Variants in GBP4 observed in about 807,000 individuals in gnomAD.
GBP4 encodes the protein guanylate binding protein 4.
In GBP4, 69 loss-of-function variants were observed where a neutral mutation model predicts 62.2. That is an observed-to-expected ratio of 1.11 (90% CI 0.91 to 1.36). The LOEUF (loss-of-function observed/expected upper bound fraction) is 1.36. Among genes scored for constraint, GBP4 ranks in the 40% most tolerant of loss-of-function variants. The probability of loss-of-function intolerance (pLI) is 0.00; values close to 1 mark genes in which losing one functional copy is unlikely to be tolerated. For synonymous variants in GBP4, 278 were observed against 274.6 expected (o/e 1.01, Z -0.12); for missense variants, 697 against 759.3 (o/e 0.92, Z 0.96).
rs142086287 is a variant in GBP4, at chr1:89,187,017, C to G, written c.1496G>C (p.Gly499Ala). ...CCCTGTACCTGCTATGGCCTTCTCT[C>G]CAGCAGTGAGGGCTTTGTCTGACTG... ...ILQSDKALTA[G>A]EKAIAAERAM... Residue 499 changes from glycine (G) to alanine (A), a missense_variant, in exon 9 of 11, where the codon GGA becomes GCA. By Grantham distance (60) the Gly-to-Ala change is moderately conservative (BLOSUM62 0). This residue lies in a region of GBP4 where 141 missense variants were observed against 196.6 expected (regional missense o/e 0.72). Transcript: ENST00000355754. 1.7e-5 allele frequency: 28 copies of G among 1,613,948 alleles called. No individual in the cohort carries two copies. In the African/African-American group the frequency reaches 3.7e-4, roughly 22 times the overall value.
chr1:89,197,123 T>C lies in GBP4; in HGVS notation c.222A>G (p.Ala74=), dbSNP rs1177914771. Residue 74 remains alanine (A), a synonymous_variant, in exon 2 of 11, where the codon GCA becomes GCG. Coordinates refer to ENST00000355754, the MANE Select transcript of GBP4 (RefSeq NM_052941.5). ...GACCACACTCACCATTGCGCTTTCC[T>C]GCAAGACGATTCATGAGATAGGATT... The part of the protein sequence containing the change: ...TGKSYLMNRL[A]GKRNGFPLGS... 4.3e-6 allele frequency: 7 copies of C among 1,612,816 alleles called. No homozygotes were observed. The highest frequency in any genetic ancestry group is 5.9e-6 in the Non-Finnish European group (7 of 1,179,172).
At chr1:89,186,630 G>C in intron 9 of GBP4, 104 bp from the exon 10 acceptor site, 1 of 1,013,644 alleles carries the variant, frequency 9.9e-7, no homozygotes, top group Non-Finnish European at 1.4e-6. Context: ...ACAAAGGTGA[G>C]GGATTGGGAA....
At position 89,193,340 on chromosome 1, in the gene GBP4, C is replaced by T. The variant is rs143368730; in HGVS notation, c.436G>A (p.Val146Met). The part of the protein sequence containing the change: ...LLSSSFVYNS[V>M]STINHQALEQ... Reference sequence around the variant, plus strand: ...AGGGCCTGGTGGTTGATGGTGCTCACGCTGTTATAGACAAAGCTGCTGCTT... The same window carrying T: ...AGGGCCTGGTGGTTGATGGTGCTCATGCTGTTATAGACAAAGCTGCTGCTT... Residue 146 changes from valine to methionine, a missense_variant, in exon 4 of 11, where the codon GTG becomes ATG. This residue lies in a region of GBP4 where 556 missense variants were observed against 562.7 expected (regional missense o/e 0.99). Transcript: ENST00000355754. 17 of 1,614,152 alleles carry T rather than the reference C, an allele frequency of 1.1e-5. No individual in the cohort carries two copies. The highest frequency in any genetic ancestry group is 8.0e-5 in the African/African-American group (6 of 75,044).
chr1:89,191,313 G>C lies in GBP4; in HGVS notation c.864C>G (p.Phe288Leu). 1 of 1,614,142 alleles carries C rather than the reference G, an allele frequency of 6.2e-7. No homozygotes were observed. The highest frequency in any genetic ancestry group is 8.5e-7 in the Non-Finnish European group (1 of 1,179,972). Residue 288 changes from phenylalanine to leucine, a missense_variant, in exon 6 of 11, where the codon TTC becomes TTG. Physicochemically the swap from Phe to Leu is conservative, Grantham distance 22. Around this residue, in one of 2 missense-constraint regions of GBP4, gnomAD observed 556 missense variants for 562.7 expected, o/e 0.99. Coordinates refer to ENST00000355754, the MANE Select transcript of GBP4 (RefSeq NM_052941.5). ...MQSDNFCSYI[F>L]THAKTKTLRE... The stretch of plus-strand genomic sequence containing the variant: ...TCAGGGTCTTGGTCTTTGCATGGGT[G>C]AAGATATAAGAACAGAAGTTGTCTG...
At chr1:89,194,456 A>T (rs1648270776) in intron 3 of GBP4, among the ~76,000 whole-genome samples, 1 of 152,228 alleles carries the variant, frequency 6.6e-6, no homozygotes, top group South Asian at 2.1e-4. Flanking sequence ...TTGATATTAC[A>T]CTAAGAGAAT....
chr1:89,193,829 G>C (rs1294851787), intron 3 of GBP4, among the ~76,000 whole-genome samples: 1 of 152,164 alleles, frequency 6.6e-6, no homozygotes, highest in Non-Finnish European at 1.5e-5. Context: ...AGTTCCTCAC[G>C]ACAGTCCCTG....
In GBP4 at chr1:89,197,028, T is replaced by C. The variant is rs372227996; in HGVS notation, c.235+82A>G. On this transcript the variant is annotated intron_variant, in intron 2 of 10. Transcript: ENST00000355754. ...CATTGGGAGAAGTCATGCCCTTCTT[T>C]AGGATGACCCTAGAGGGGGTGTGAT... 4.3e-6 allele frequency: 5 copies of C among 1,171,834 alleles called. No homozygotes were observed. In the African/African-American group the frequency reaches 6.2e-5, roughly 14 times the overall value. 72.6% of individuals were successfully genotyped at this position (1,171,834 alleles called of 1,614,324 possible).
Position 89,195,387 on chromosome 1 carries a change from C to G in GBP4, c.273G>C (p.Lys91Asn), listed in dbSNP as rs368026635. Residue 91 changes from lysine to asparagine, a missense_variant, in exon 3 of 11, where the codon AAG (lysine) becomes AAC (asparagine). Physicochemically the swap from Lys to Asn is moderately conservative, Grantham distance 94 (BLOSUM62 0). This residue lies in a region of GBP4 where 556 missense variants were observed against 562.7 expected (regional missense o/e 0.99). Transcript: ENST00000355754. ...PLGSTVQSET[K>N]GIWMWCVPHL... ...GGGGCACACACCACATCCAGATGCC[C>G]TTAGTTTCAGACTGCACCGTGGAGC... is the stretch of plus-strand genomic sequence containing the variant. 1.2e-6 allele frequency: 2 copies of G among 1,613,940 alleles called. No individual in the cohort carries two copies. Among genetic ancestry groups the G allele is most frequent in the Non-Finnish European group, 1.7e-6 (2 of 1,179,894 alleles).
At position 89,186,927 on chromosome 1, in the gene GBP4, T is replaced by C; in HGVS notation, c.1513+73A>G. On this transcript the variant is annotated intron_variant, in intron 9 of 10. Transcript: ENST00000355754. The stretch of plus-strand genomic sequence containing the variant: ...TGAAGCTCCTTTTAACTGGAATATC[T>C]TTCAGTGTGATCAGCAAGAAGGCAT... The C allele has an allele frequency of 1.5e-6, 2 of 1,366,112 alleles. 1 individual carries two copies. The highest frequency in any genetic ancestry group is 2.4e-5 in the South Asian group (2 of 82,856). 84.6% of individuals were successfully genotyped at this position (1,366,112 alleles called of 1,614,324 possible).
chr1:89,192,035 G>T (rs1648200938), intron 5 of GBP4, among the ~76,000 whole-genome samples: 1 of 152,174 alleles, frequency 6.6e-6, no homozygotes, highest in Non-Finnish European at 1.5e-5. Context: ...TATGTTTAGA[G>T]ATTCCTTTAT....
intron 7 of GBP4, among the ~76,000 whole-genome samples, 185 bp downstream of exon 7, chr1:89,189,853 G>A (rs1325059993): frequency 1.3e-5 from 2 of 151,936 alleles, no homozygotes; most frequent in African/African-American, 4.8e-5. Context: ...TTCTTTTGCA[G>A]CAATAGAAAA....
At chr1:89,190,666 G>A (rs1266487032) in intron 6 of GBP4, among the ~76,000 whole-genome samples, 1 of 151,832 alleles carries the variant, frequency 6.6e-6, no homozygotes, top group African/African-American at 2.4e-5. Context: ...TAATTTGTGA[G>A]TCCTACTTCC....
intron 4 of GBP4, 59 bp downstream of exon 4, chr1:89,193,244 T>A: frequency 6.4e-7 from 1 of 1,559,394 alleles, no homozygotes; most frequent in South Asian, 1.1e-5. Context: ...GAAGACACAG[T>A]ATCAATTCCC....
chr1:89,197,451 G>A (rs1648377789), intron 1 of GBP4, 147 bp from the exon 2 acceptor site: 3 of 548,102 alleles, frequency 5.5e-6, no homozygotes, highest in South Asian at 3.4e-5. Context: ...ATATTTCTAC[G>A]TTTAATGGTA....
Position 89,186,405 on chromosome 1 carries a change from C to T in GBP4, c.1635G>A (p.Met545Ile), listed in dbSNP as rs1142889. 7.0e-7 allele frequency: 1 copy of T among 1,428,012 alleles called. No homozygotes were observed. The highest frequency in any genetic ancestry group is 9.9e-7 in the Non-Finnish European group (1 of 1,010,168). The allele number at this position is 1,428,012 out of a possible 1,614,324, so 88.5% of individuals were successfully genotyped here. A position where few individuals can be genotyped will look rare whatever the true frequency, so the allele number is the denominator to read the frequency against. ...ERSFQEYMAQ[M>I]EKKLEEEREN... ...CCCTTTCCTCCTCCAACTTCTTCTCCATTTGGGCCATGTATTCCTGGAAGC... is the reference window on the plus strand; with the variant it reads ...CCCTTTCCTCCTCCAACTTCTTCTCTATTTGGGCCATGTATTCCTGGAAGC... Residue 545 changes from methionine (M) to isoleucine (I), a missense_variant, in exon 10 of 11, where the codon ATG becomes ATA. Transcript: ENST00000355754.
At chr1:89,196,335 T>C (rs1455503652) in intron 2 of GBP4, among the ~76,000 whole-genome samples, 2 of 152,178 alleles carry the variant, frequency 1.3e-5, no homozygotes, top group African/African-American at 4.8e-5. Flanking sequence ...ATAATTTCCT[T>C]TATGTAAAGT....
rs1647894307 is a variant in GBP4 at position 89,181,995 on chromosome 1, A to G, written c.*3259T>C. 6.6e-6 allele frequency: 1 copy of G among 152,232 alleles called. No homozygotes were observed. The highest frequency in any genetic ancestry group is 2.1e-4 in the South Asian group (1 of 4,830). The allele number at this position is 152,232 out of a possible 1,614,324, so 9.4% of individuals were successfully genotyped here. A position where few individuals can be genotyped will look rare whatever the true frequency, so the allele number is the denominator to read the frequency against. On this transcript the variant is annotated 3_prime_UTR_variant, in exon 11 of 11. Transcript: ENST00000355754. The stretch of plus-strand genomic sequence containing the variant: ...GAATTACAAGATACCCCTGAAAGAA[A>G]TAAGAGATGTCACAAACAAATGGAA...
rs779697015 is a variant in GBP4 at position 89,190,040 on chromosome 1, C to CA, written c.1194dup (p.Val399CysfsTer16). On this transcript the variant is annotated frameshift_variant, in exon 7 of 11. Coordinates refer to ENST00000355754, the MANE Select transcript of GBP4 (RefSeq NM_052941.5). LOFTEE classifies it high-confidence loss of function. The stretch of plus-strand genomic sequence containing the variant: ...GGAAGGATAAATGCTAAAAGTACCA[C>CA]AAGCTTCTTCTGGAATTCATGGTTT... The CA allele has an allele frequency of 6.2e-7, 1 of 1,605,364 alleles. No homozygotes were observed. Among genetic ancestry groups the CA allele is most frequent in the South Asian group, 1.1e-5 (1 of 90,526 alleles).
chr1:89,191,386 A>T lies in GBP4; in HGVS notation c.791T>A (p.Met264Lys). ...PTNDKQYLNH[M>K]DEVPEENLER... ...CAGATTTTCTTCTGGCACTTCGTCC[A>T]TATGATTTAAATATTGCTTGTCATT... The change falls in exon 6 of 11, where the codon ATG becomes AAG. Residue 264 changes from methionine to lysine, a missense_variant. By Grantham distance (95) the Met-to-Lys change is moderately conservative. Around this residue, in one of 2 missense-constraint regions of GBP4, gnomAD observed 556 missense variants for 562.7 expected, o/e 0.99. Transcript: ENST00000355754. 1 of 1,614,240 alleles carries T rather than the reference A, an allele frequency of 6.2e-7. No homozygotes were observed. Among genetic ancestry groups the T allele is most frequent in the Non-Finnish European group, 8.5e-7 (1 of 1,180,024 alleles).
Sources: allele counts gnomAD v4.1 joint callset (sites outside exome capture counted in the v4.1 genomes callset), GRCh38; gene constraint gnomAD v4.1.1; regional missense constraint gnomAD v4.1.1; transcripts MANE v1.5; gene names NCBI Gene and HGNC (gene_info 2026-07-23, HGNC 2026-07-21).